Variants in LDB2 observed in about 807,000 individuals in gnomAD.
LDB2 encodes the protein LIM domain-binding protein 2.
LDB2 carries 12 observed loss-of-function variants against 44.3 expected under a neutral mutation model. That is an observed-to-expected ratio of 0.27 (90% CI 0.17 to 0.44). LDB2 has a LOEUF of 0.44. Ranked by LOEUF, LDB2 falls within the 20% of genes least tolerant of loss-of-function variation. The pLI, the probability that LDB2 is intolerant of heterozygous loss-of-function variation, is 1.00. For missense variants in LDB2, 344 were observed against 473.5 expected (o/e 0.73, Z 2.54); for synonymous variants, 164 against 174.8 (o/e 0.94, Z 0.49).
rs868821785 is a variant in LDB2 at position 16,714,032 on chromosome 4, A to C, written c.235+45126T>G. Among the ~76,000 whole-genome samples the C allele has an allele frequency of 1.7e-4, 26 of 152,342 alleles. No homozygotes were observed. In the South Asian group the frequency reaches 2.1e-3, roughly 12 times the overall value. On this transcript the variant is annotated intron_variant, in intron 2 of 7. Coordinates refer to ENST00000304523, the MANE Select transcript of LDB2 (RefSeq NM_001290.5). ...CTCATTCACCGGCGAGAAGATATTT[A>C]AAAAGCATTAACAGCTTCCTTCTGA... is the stretch of plus-strand genomic sequence containing the variant.
intron 1 of LDB2, among the ~76,000 whole-genome samples, chr4:16,878,841 T>C (rs928981971): frequency 2.0e-5 from 3 of 152,216 alleles, no homozygotes; most frequent in African/African-American, 7.2e-5. Context: ...AAGTCTCAGC[T>C]AAAAATTCAC....
chr4:16,764,273 T>C (rs1288011337), intron 1 of LDB2, among the ~76,000 whole-genome samples: 2 of 152,230 alleles, frequency 1.3e-5, no homozygotes, highest in African/African-American at 4.8e-5. Flanking sequence ...TCACATGGTT[T>C]TCCTGATAAT....
At chr4:16,890,611 A>G (rs1428546791) in intron 1 of LDB2, among the ~76,000 whole-genome samples, 1 of 152,148 alleles carries the variant, frequency 6.6e-6, no homozygotes, top group Non-Finnish European at 1.5e-5. Flanking sequence ...CCCTTTACCA[A>G]TATGCTCCAG....
intron 1 of LDB2, among the ~76,000 whole-genome samples, chr4:16,893,854 T>G (rs1037273699): frequency 2.0e-5 from 3 of 152,124 alleles, no homozygotes; most frequent in Non-Finnish European, 2.9e-5. Context: ...TATCTTCACT[T>G]AAATGCAGAC....
intron 2 of LDB2, among the ~76,000 whole-genome samples, chr4:16,702,929 C>G (rs1195753680): frequency 6.6e-6 from 1 of 152,180 alleles, no homozygotes; most frequent in Non-Finnish European, 1.5e-5. Context: ...CCCATGCACC[C>G]TCCTCACCTG....
chr4:16,614,698 A>T (rs1578215204), intron 2 of LDB2, among the ~76,000 whole-genome samples: 1 of 152,168 alleles, frequency 6.6e-6, no homozygotes, highest in East Asian at 1.9e-4. Flanking sequence ...AAAGCTCAAC[A>T]TCACTGATCA....
chr4:16,840,552 T>C (rs556841530), intron 1 of LDB2, among the ~76,000 whole-genome samples: 1 of 152,290 alleles, frequency 6.6e-6, no homozygotes, highest in South Asian at 2.1e-4. Context: ...TTATCTACAG[T>C]ACAGAAGTCG....
At chr4:16,828,231 C>T (rs1783416736) in intron 1 of LDB2, among the ~76,000 whole-genome samples, 1 of 152,176 alleles carries the variant, frequency 6.6e-6, no homozygotes, top group Non-Finnish European at 1.5e-5. Flanking sequence ...TCTAATCAAA[C>T]TTTCAAGGCT....
intron 2 of LDB2, among the ~76,000 whole-genome samples, chr4:16,747,773 G>A (rs1280024696): frequency 1.3e-5 from 2 of 151,868 alleles, no homozygotes; most frequent in East Asian, 1.9e-4. Flanking sequence ...CTGGAATATC[G>A]GAATATGAGA....
intron 2 of LDB2, among the ~76,000 whole-genome samples, chr4:16,733,617 G>A (rs1761222436): frequency 6.6e-6 from 1 of 152,154 alleles, no homozygotes; most frequent in Admixed American, 6.5e-5. Flanking sequence ...TAAAGAGAAA[G>A]CCTTGGGGAA....
intron 1 of LDB2, among the ~76,000 whole-genome samples, chr4:16,777,354 G>A (rs569074625): frequency 6.6e-6 from 1 of 152,208 alleles, no homozygotes; most frequent in Non-Finnish European, 1.5e-5. Context: ...AGGCATGAGA[G>A]GATTTGGTCA....
intron 1 of LDB2, among the ~76,000 whole-genome samples, chr4:16,890,981 C>A (rs947624501): frequency 2.0e-5 from 3 of 152,062 alleles, no homozygotes; most frequent in Non-Finnish European, 4.4e-5. Context: ...GTTCTTTCCC[C>A]TTTATGTCTT....
At chr4:16,555,850 C>T (rs1739374917) in intron 5 of LDB2, among the ~76,000 whole-genome samples, 1 of 152,146 alleles carries the variant, frequency 6.6e-6, no homozygotes, top group African/African-American at 2.4e-5. Context: ...TGCCACCAAC[C>T]ACTCCGCCCT....
chr4:16,863,780 C>G (rs1227311742), intron 1 of LDB2, among the ~76,000 whole-genome samples: 1 of 151,678 alleles, frequency 6.6e-6, no homozygotes, highest in Non-Finnish European at 1.5e-5. Flanking sequence ...CCTGCCTCAG[C>G]CTTCCGAGTA....
chr4:16,852,706 A>T (rs1220668212), intron 1 of LDB2, among the ~76,000 whole-genome samples: 1 of 152,154 alleles, frequency 6.6e-6, no homozygotes, highest in Admixed American at 6.5e-5. Flanking sequence ...ATTTGTTTTA[A>T]ATCCCTTAAA....
At chr4:16,590,007 T>C (rs1718353166) in intron 3 of LDB2, among the ~76,000 whole-genome samples, 1 of 152,166 alleles carries the variant, frequency 6.6e-6, no homozygotes, top group South Asian at 2.1e-4. Flanking sequence ...GTGCCTGGCA[T>C]GTAGTAGGAT....
intron 2 of LDB2, among the ~76,000 whole-genome samples, chr4:16,596,937 A>C (rs1721115672): frequency 6.6e-6 from 1 of 152,196 alleles, no homozygotes; most frequent in South Asian, 2.1e-4. Context: ...AAGCACTCTC[A>C]AGCAATCCAA....
At chr4:16,869,681 A>G (rs761323092) in intron 1 of LDB2, among the ~76,000 whole-genome samples, 3 of 152,218 alleles carry the variant, frequency 2.0e-5, no homozygotes, top group Non-Finnish European at 2.9e-5. Context: ...GGGTGTTTCT[A>G]AAATTATGAC....
At chr4:16,846,433 C>G (rs977276066) in intron 1 of LDB2, among the ~76,000 whole-genome samples, 13 of 152,164 alleles carry the variant, frequency 8.5e-5, no homozygotes, top group African/African-American at 2.9e-4. Context: ...AAAGATCAAA[C>G]TCTTTAGCAG....
Sources: allele counts gnomAD v4.1 joint callset (sites outside exome capture counted in the v4.1 genomes callset), GRCh38; gene constraint gnomAD v4.1.1; transcripts MANE v1.5; gene names NCBI Gene and HGNC (gene_info 2026-07-23, HGNC 2026-07-21).